ARHGAP19: variants seen among roughly 807,000 people sequenced by gnomAD.
ARHGAP19 encodes Rho GTPase activating protein 19.
A neutral mutation model predicts 60.9 loss-of-function variants in ARHGAP19; 48 were observed. The ratio of observed to expected loss-of-function variants is 0.79; its 90% CI spans 0.62 to 1.00. The LOEUF (loss-of-function observed/expected upper bound fraction) is 1.00, where lower values mean the gene tolerates loss of function less well. ARHGAP19 is among the 50% of genes least tolerant of loss of function. ARHGAP19 has a pLI of 0.00. For synonymous variants in ARHGAP19, 209 were observed against 215.5 expected, an observed-to-expected ratio of 0.97 and a Z score of 0.27; for missense variants, 562 against 597.2, an observed-to-expected ratio of 0.94 and a Z score of 0.61.
At position 97,292,554 on chromosome 10, in the gene ARHGAP19, G is replaced by A; in HGVS notation, c.56+18C>T. On this transcript the variant is annotated intron_variant, in intron 1 of 11. Transcript: ENST00000358531. ...CCAAGGCCGCGTTTCCCAGGAAACTGGACCAAACTCAGCTCACCTCCGGCC... is the reference window on the plus strand; with the variant it reads ...CCAAGGCCGCGTTTCCCAGGAAACTAGACCAAACTCAGCTCACCTCCGGCC... 3.1e-6 allele frequency: 5 copies of A among 1,614,182 alleles called. No homozygotes were observed. The highest frequency in any genetic ancestry group is 4.2e-6 in the Non-Finnish European group (5 of 1,180,014).
chr10:97,266,144 A>T lies in ARHGAP19; in HGVS notation c.57-19T>A, dbSNP rs1340341287. On this transcript the variant is annotated intron_variant, in intron 1 of 11. Transcript: ENST00000358531. ...GGCATCACTGAAAAACACAGAAGAA[A>T]ATCTTTCGGGACATCATTTTTGTAT... 6.2e-7 allele frequency: 1 copy of T among 1,611,468 alleles called. No individual in the cohort carries two copies. Among genetic ancestry groups the T allele is most frequent in the Non-Finnish European group, 8.5e-7 (1 of 1,178,672 alleles).
At chr10:97,258,251 C>A (rs1244372264) in intron 5 of ARHGAP19, among the ~76,000 whole-genome samples, 1 of 152,082 alleles carries the variant, frequency 6.6e-6, no homozygotes, top group Admixed American at 6.6e-5. Flanking sequence ...AAAGGCCAGG[C>A]GCGGTGGCTC....
At chr10:97,235,608 C>T (rs1463050975) in intron 8 of ARHGAP19, among the ~76,000 whole-genome samples, 9 of 152,132 alleles carry the variant, frequency 5.9e-5, no homozygotes, top group Non-Finnish European at 1.0e-4. Context: ...ATCCACGATC[C>T]CCAGCTGCTA....
rs981721863 is a variant in ARHGAP19 at position 97,222,525 on chromosome 10, A to C, written c.*3597T>G. ...AAGCACTCAGGCTATTATGTCCCAC[A>C]CCTCCTCGCTGGCCTGCTTCTGTCA... is the stretch of plus-strand genomic sequence containing the variant. On this transcript the variant is annotated 3_prime_UTR_variant, in exon 12 of 12. Transcript: ENST00000358531. The C allele has an allele frequency of 6.6e-6, 1 of 152,130 alleles. No homozygotes were observed. The allele number at this position is 152,130 out of a possible 1,614,324, so 9.4% of individuals were successfully genotyped here.
intron 1 of ARHGAP19, among the ~76,000 whole-genome samples, chr10:97,292,115 G>C (rs938172089): frequency 2.2e-5 from 2 of 89,788 alleles, no homozygotes; most frequent in Admixed American, 2.3e-4. Context: ...CTGAAGTCGA[G>C]AGAGGTTTAA....
Position 97,256,409 on chromosome 10 carries a change from T to C in ARHGAP19, c.841-5A>G, listed in dbSNP as rs1842753115. 1 of 1,606,330 alleles carries C rather than the reference T, an allele frequency of 6.2e-7. No individual in the cohort carries two copies. ...CTGAAGGTCATTTGCAGTGACCTAT[T>C]CAGAGGAAAAGAAACCAAACAATGG... is the stretch of plus-strand genomic sequence containing the variant. On this transcript the variant is annotated splice_polypyrimidine_tract_variant and splice_region_variant and intron_variant, in intron 5 of 11. Coordinates refer to ENST00000358531, the MANE Select transcript of ARHGAP19 (RefSeq NM_032900.6).
intron 6 of ARHGAP19, among the ~76,000 whole-genome samples, chr10:97,250,580 G>C (rs937622747): frequency 4.6e-5 from 7 of 151,370 alleles, no homozygotes; most frequent in Non-Finnish European, 1.0e-4. Flanking sequence ...GTTTCACCGT[G>C]TTGACTAGGC....
Position 97,226,137 on chromosome 10 carries a change from G to C in ARHGAP19, c.1475-5C>G, listed in dbSNP as rs371585950. On this transcript the variant is annotated splice_region_variant and splice_polypyrimidine_tract_variant and intron_variant, in intron 11 of 11. Transcript: ENST00000358531. Reference sequence around the variant, plus strand: ...TCTGGATCCTTCAGAGAAATCCTAGGTTGAAGGAAAAACAAGAGCGTTAGA... The same window carrying C: ...TCTGGATCCTTCAGAGAAATCCTAGCTTGAAGGAAAAACAAGAGCGTTAGA... The C allele has an allele frequency of 1.2e-6, 2 of 1,613,764 alleles. No individual in the cohort carries two copies. The highest frequency in any genetic ancestry group is 1.7e-5 in the Admixed American group (1 of 59,994).
At chr10:97,256,239 T>C in intron 6 of ARHGAP19, 79 bp downstream of exon 6, 1 of 1,158,542 alleles carries the variant, frequency 8.6e-7, no homozygotes, top group African/African-American at 1.5e-5. Context: ...CGTTTAGTTA[T>C]CTTTATAGCC....
intron 1 of ARHGAP19, among the ~76,000 whole-genome samples, chr10:97,290,387 C>T (rs766881894): frequency 3.3e-5 from 5 of 152,216 alleles, no homozygotes; most frequent in Non-Finnish European, 5.9e-5. Flanking sequence ...TCCTGCATGG[C>T]TAAGTGCCTG....
intron 1 of ARHGAP19, among the ~76,000 whole-genome samples, chr10:97,266,684 G>A (rs1488289359): frequency 1.3e-5 from 2 of 152,184 alleles, no homozygotes; most frequent in Non-Finnish European, 2.9e-5. Context: ...CATGACTGGG[G>A]AGGCCTCACA....
At position 97,229,523 on chromosome 10, in the gene ARHGAP19, T is replaced by C. The variant is rs191410778; in HGVS notation, c.1395+241A>G. Among the ~76,000 whole-genome samples the C allele has an allele frequency of 9.9e-5, 15 of 152,130 alleles. No homozygotes were observed. The East Asian group carries it at 2.9e-3, about 30-fold the overall frequency. On this transcript the variant is annotated intron_variant, in intron 10 of 11. Coordinates refer to ENST00000358531, the MANE Select transcript of ARHGAP19 (RefSeq NM_032900.6). ...TTCCTCCAGCACTTGTTTAAGGAGC[T>C]ACTGTACTGTACTACTCATCTGCTT... is the stretch of plus-strand genomic sequence containing the variant.
chr10:97,275,031 C>T (rs987796896), intron 1 of ARHGAP19: 4 of 152,496 alleles, frequency 2.6e-5, no homozygotes, highest in Non-Finnish European at 5.9e-5. Context: ...ACCCCAATGC[C>T]AGTGACATCC....
intron 6 of ARHGAP19, among the ~76,000 whole-genome samples, chr10:97,255,897 C>A (rs1842746758): frequency 6.6e-6 from 1 of 152,106 alleles, no homozygotes; most frequent in South Asian, 2.1e-4. Context: ...ATGAAATCCA[C>A]AGAAGACCTA....
intron 6 of ARHGAP19, among the ~76,000 whole-genome samples, chr10:97,250,704 T>C (rs1157663608): frequency 3.3e-5 from 5 of 151,454 alleles, no homozygotes; most frequent in Non-Finnish European, 7.4e-5. Context: ...TGAAAAACTA[T>C]AAAACGGAGC....
chr10:97,257,505 T>C (rs1036454151), intron 5 of ARHGAP19, among the ~76,000 whole-genome samples: 1 of 151,984 alleles, frequency 6.6e-6, no homozygotes, highest in Non-Finnish European at 1.5e-5. Flanking sequence ...AAGGTCTCAC[T>C]GTGTTGCCCA....
At chr10:97,229,911 C>G in intron 9 of ARHGAP19, 37 bp from the exon 10 acceptor site, 1 of 1,414,400 alleles carries the variant, frequency 7.1e-7, no homozygotes, top group Non-Finnish European at 9.9e-7. Flanking sequence ...TTTATAAACA[C>G]CTACTGCATC....
intron 1 of ARHGAP19, among the ~76,000 whole-genome samples, chr10:97,289,808 C>T (rs1478536383): frequency 6.8e-6 from 1 of 146,982 alleles, no homozygotes; most frequent in East Asian, 2.0e-4. Context: ...GACCTGTGAT[C>T]GTATCACTGC....
rs143843289 is a variant in ARHGAP19, at chr10:97,236,713, G to A, written c.1186-1398C>T. Among the ~76,000 whole-genome samples, 883 of 151,328 alleles carry A rather than the reference G, an allele frequency of 5.8e-3. 12 individuals carry two copies. Among genetic ancestry groups the A allele is most frequent in the African/African-American group, 0.02 (828 of 41,182 alleles). On this transcript the variant is annotated intron_variant, in intron 8 of 11. Coordinates refer to ENST00000358531, the MANE Select transcript of ARHGAP19 (RefSeq NM_032900.6). ...TCTCAGCTACTCGGGAGGCTGTGGT[G>A]GGAGGATCATGATCACCTGAGCCCA... is the stretch of plus-strand genomic sequence containing the variant.
Sources: gnomAD v4.1 joint callset for allele counts (sites outside exome capture counted in the v4.1 genomes callset) on GRCh38, gnomAD v4.1.1 for gene constraint, MANE v1.5 for transcripts, NCBI Gene and HGNC (gene_info 2026-07-23, HGNC 2026-07-21) for gene names.